Variants in TCIRG1 observed in about 807,000 individuals in gnomAD.
TCIRG1 encodes V-type proton ATPase 116 kDa subunit a 3.
TCIRG1 carries 86 observed loss-of-function variants against 95.5 expected under a neutral mutation model. The ratio of observed to expected loss-of-function variants is 0.90; its 90% CI spans 0.76 to 1.08. The LOEUF (loss-of-function observed/expected upper bound fraction) is 1.08. TCIRG1 is among the 50% of genes least tolerant of loss of function. TCIRG1 has a pLI of 0.00. For synonymous variants in TCIRG1, 499 were observed against 501.3 expected, an observed-to-expected ratio of 1.00 and a Z score of 0.06; for missense variants, 1,069 against 1,140.2, an observed-to-expected ratio of 0.94 and a Z score of 0.90.
chr11:68,041,233 G>A, intron 1 of TCIRG1, 35 bp from the exon 2 acceptor site: 1 of 1,434,234 alleles, frequency 7.0e-7, no homozygotes, highest in Non-Finnish European at 9.8e-7. Flanking sequence ...TCTGTGGTCT[G>A]CCCCTGACTG....
rs1441845211 is a variant in TCIRG1 at position 68,047,700 on chromosome 11, C to T, written c.1359C>T (p.Phe453=). Residue 453 remains phenylalanine (F), a synonymous_variant, in exon 12 of 20, where the codon TTC becomes TTT. Transcript: ENST00000265686. The part of the protein sequence containing the change: ...GRYLLLLMGL[F]SIYTGFIYNE... ...ACCTGCTCCTGCTTATGGGCCTGTT[C>T]TCCATCTACACCGGCTTCATCTACA... 6.2e-7 allele frequency: 1 copy of T among 1,613,592 alleles called. No individual in the cohort carries two copies. Among genetic ancestry groups the T allele is most frequent in the Admixed American group, 1.7e-5 (1 of 60,034 alleles).
At position 68,050,056 on chromosome 11, in the gene TCIRG1, A is replaced by G; in HGVS notation, c.2108A>G (p.Glu703Gly). ...AAGGCAGGGGGCCTGGATGATGAAG[A>G]GGAGGCCGAGGTGGGTGCAGTGCCT... ...EEKAGGLDDE[E>G]EAELVPSEVL... The change falls in exon 17 of 20, where the codon GAG becomes GGG. Residue 703 changes from glutamate to glycine, a missense_variant. Glu to Gly is a moderately conservative substitution (Grantham distance 98). Transcript: ENST00000265686. The G allele has an allele frequency of 6.2e-7, 1 of 1,613,282 alleles. No homozygotes were observed. Among genetic ancestry groups the G allele is most frequent in the Non-Finnish European group, 8.5e-7 (1 of 1,179,878 alleles).
At chr11:68,040,875 G>T (rs1423263636) in intron 1 of TCIRG1, among the ~76,000 whole-genome samples, 1 of 152,094 alleles carries the variant, frequency 6.6e-6, no homozygotes. Context: ...AGCCACCCCC[G>T]GGGCAGCCCT....
At position 68,050,692 on chromosome 11, in the gene TCIRG1, G is replaced by A. The variant is rs372296257; in HGVS notation, c.2414+28G>A. On this transcript the variant is annotated intron_variant, in intron 19 of 19. Coordinates refer to ENST00000265686, the MANE Select transcript of TCIRG1 (RefSeq NM_006019.4). ...GAGCGACCACCCACTGGCCTGGGCT[G>A]CTCAAGGCGTGAGTTCCCCTCACCA... The A allele has an allele frequency of 2.6e-4, 419 of 1,613,650 alleles. No homozygotes were observed. In the African/African-American group the frequency reaches 4.6e-3, roughly 18 times the overall value.
chr11:68,043,573 C>T lies in TCIRG1; in HGVS notation c.633C>T (p.Gly211=), dbSNP rs766554352. The change falls in exon 7 of 20, where the codon GGC becomes GGT. Residue 211 remains glycine, a splice_region_variant and synonymous_variant. Coordinates refer to ENST00000265686, the MANE Select transcript of TCIRG1 (RefSeq NM_006019.4). The part of the protein sequence containing the change: ...LEQPLEHPVT[G]EPATWMTFLI... ...AGTCAGCTGAGCCTGCTCTGCAGGGCGAGCCAGCCACGTGGATGACCTTCC... is the reference window on the plus strand; with the variant it reads ...AGTCAGCTGAGCCTGCTCTGCAGGGTGAGCCAGCCACGTGGATGACCTTCC... 43 of 1,607,396 alleles carry T rather than the reference C, an allele frequency of 2.7e-5. No individual in the cohort carries two copies. The Admixed American group carries it at 5.2e-4, about 19-fold the overall frequency.
At position 68,043,920 on chromosome 11, in the gene TCIRG1, G is replaced by C. The variant is rs773072992; in HGVS notation, c.807+13G>C. The stretch of plus-strand genomic sequence containing the variant: ...GGAGCTGCAGGAGGTGGGTGCCCCC[G>C]GCCTTCCGGAGGCGGGTGTAGGAGG... On this transcript the variant is annotated intron_variant, in intron 8 of 19. Coordinates refer to ENST00000265686, the MANE Select transcript of TCIRG1 (RefSeq NM_006019.4). 135 of 1,541,440 alleles carry C rather than the reference G, an allele frequency of 8.8e-5. No homozygotes were observed. The Admixed American group carries it at 2.6e-3, about 30-fold the overall frequency.
At chr11:68,051,574 C>T (rs984299089), downstream of TCIRG1, among the ~76,000 whole-genome samples, 2 of 152,218 alleles carry the variant, frequency 1.3e-5, no homozygotes, top group Admixed American at 1.3e-4. Flanking sequence ...AGTGGTTCTT[C>T]CCACAGCTGT....
At chr11:68,044,415 T>C in intron 9 of TCIRG1, 71 bp downstream of exon 9, 1 of 1,298,656 alleles carries the variant, frequency 7.7e-7, no homozygotes, top group East Asian at 2.5e-5. Flanking sequence ...CTGCCTCACT[T>C]CCAGCCTCTG....
In TCIRG1 at chr11:68,042,926, T is replaced by C. The variant is rs1258811992; in HGVS notation, c.418-20T>C. 4 of 1,551,386 alleles carry C rather than the reference T, an allele frequency of 2.6e-6. No homozygotes were observed. Among genetic ancestry groups the C allele is most frequent in the Non-Finnish European group, 3.5e-6 (4 of 1,147,512 alleles). On this transcript the variant is annotated intron_variant, in intron 4 of 19. Transcript: ENST00000265686. ...GAGGGGCTGTCCAGCCTAGGGCTCA[T>C]GGTGCTTCTGGGTTCCTAGCTGGCA...
chr11:68,050,686 T>C (rs748901106), intron 19 of TCIRG1, 22 bp downstream of exon 19: 38 of 1,613,618 alleles, frequency 2.4e-5, no homozygotes, highest in Non-Finnish European at 3.1e-5. Flanking sequence ...CCCACTGGCC[T>C]GGGCTGCTCA....
At chr11:68,051,268 A>G (rs1483463947), downstream of TCIRG1, among the ~76,000 whole-genome samples, 1 of 152,146 alleles carries the variant, frequency 6.6e-6, no homozygotes, top group East Asian at 1.9e-4. Context: ...AGCCCCGGCC[A>G]GTGCTCCATG....
At chr11:68,043,106 G>C in intron 5 of TCIRG1, 75 bp downstream of exon 5, 1 of 1,547,180 alleles carries the variant, frequency 6.5e-7, no homozygotes, top group South Asian at 1.2e-5. Flanking sequence ...GGGCCAGGCT[G>C]AGCTCCGACT....
At chr11:68,044,069 T>C (rs1855334927) in intron 8 of TCIRG1, 63 bp from the exon 9 acceptor site, 3 of 1,452,888 alleles carry the variant, frequency 2.1e-6, no homozygotes, top group Non-Finnish European at 2.8e-6. Context: ...AGGAGGTGGG[T>C]GCCCCCGGCC....
intron 11 of TCIRG1, 33 bp from the exon 12 acceptor site, chr11:68,047,614 A>G (rs780223256): frequency 1.2e-6 from 2 of 1,612,864 alleles, no homozygotes; most frequent in African/African-American, 1.3e-5. Context: ...TAGCAGGGCC[A>G]GGCAGCCCCT....
At chr11:68,039,906 C>G (rs1855079143) in intron 1 of TCIRG1, 2 of 152,318 alleles carry the variant, frequency 1.3e-5, no homozygotes, top group Non-Finnish European at 2.9e-5. Flanking sequence ...CCCCAGATCC[C>G]CAGAGCTGAT....
chr11:68,041,332 G>A lies in TCIRG1; in HGVS notation c.61G>A (p.Ala21Thr), dbSNP rs757721543. Residue 21 changes from alanine to threonine, a missense_variant, in exon 2 of 20, where the codon GCT becomes ACT. Ala to Thr is a moderately conservative substitution (Grantham distance 58). Transcript: ENST00000265686. ...ALVQLFLPTA[A>T]AYTCVSRLGE... ...GGTCCAGCTCTTTCTGCCCACAGCG[G>A]CTGCCTACACCTGCGTGAGTCGGCT... The A allele has an allele frequency of 8.1e-6, 13 of 1,613,114 alleles. No homozygotes were observed. The highest frequency in any genetic ancestry group is 1.1e-5 in the Non-Finnish European group (13 of 1,179,960).
chr11:68,041,409 T>C, intron 2 of TCIRG1, 21 bp downstream of exon 2: 1 of 1,547,418 alleles, frequency 6.5e-7, no homozygotes, highest in Non-Finnish European at 8.9e-7. Context: ...TGGGCAGGCG[T>C]GGGAAGGGGG....
At chr11:68,043,313 T>G in intron 5 of TCIRG1, 58 bp from the exon 6 acceptor site, 1 of 1,525,228 alleles carries the variant, frequency 6.6e-7, no homozygotes, top group Non-Finnish European at 8.8e-7. Context: ...CCGGGGGGCC[T>G]GGTGGGGGAG....
Position 68,047,790 on chromosome 11 carries a change from C to G in TCIRG1, c.1449C>G (p.Asn483Lys). The change falls in exon 12 of 20, where the codon AAC (asparagine) becomes AAG (lysine). Residue 483 changes from asparagine (N) to lysine (K), a missense_variant. By Grantham distance (94) the Asn-to-Lys change is moderately conservative. Transcript: ENST00000265686. ...GCTGGAGTGTGGCCGCCATGGCCAA[C>G]CAGTCTGGCTGGAGGTGAGGCCCGG... ...PSGWSVAAMA[N>K]QSGWSDAFLA... The G allele has an allele frequency of 6.2e-7, 1 of 1,613,096 alleles. No individual in the cohort carries two copies. Among genetic ancestry groups the G allele is most frequent in the Non-Finnish European group, 8.5e-7 (1 of 1,179,864 alleles).
Sources: allele counts gnomAD v4.1 joint callset (sites outside exome capture counted in the v4.1 genomes callset), GRCh38; gene constraint gnomAD v4.1.1; transcripts MANE v1.5; gene names NCBI Gene and HGNC (gene_info 2026-07-23, HGNC 2026-07-21).